Variants in BRSK1 observed in about 807,000 individuals in gnomAD.
BRSK1 encodes serine/threonine-protein kinase BRSK1.
A neutral mutation model predicts 86.2 loss-of-function variants in BRSK1; 17 were observed. The observed-to-expected ratio is 0.20, with a 90% CI of 0.14 to 0.30. The LOEUF (loss-of-function observed/expected upper bound fraction) is 0.30, where lower values mean the gene tolerates loss of function less well. Among genes scored for constraint, BRSK1 ranks in the 10% least tolerant of loss-of-function variants. The pLI is 1.00. For synonymous variants in BRSK1, 464 were observed against 440.1 expected (o/e 1.05, Z -0.68); for missense variants, 719 against 1,071.9 (o/e 0.67, Z 4.60).
Position 55,294,454 on chromosome 19 carries a change from T to C in BRSK1, c.678+57T>C, listed in dbSNP as rs142326820. On this transcript the variant is annotated intron_variant, in intron 7 of 18. Transcript: ENST00000309383. The surrounding 1 kb of genome is among the most constrained non-coding windows in gnomAD (Gnocchi z 4.9). ...AGATCAATCCCACCTGGTGGGAGCA[T>C]AGGACAGTACCTTCCATCCTCAGGT... The C allele has an allele frequency of 2.4e-3, 3,707 of 1,545,774 alleles. 43 individuals are homozygous for C. In the African/African-American group the frequency reaches 0.036, roughly 15 times the overall value.
Position 55,284,579 on chromosome 19 carries a change from G to A in BRSK1, c.136+1G>A. ...AAGACGCTGGGCAAAGGACAGACAGGTGAGCCTAGCAGAAGGGGACACCTG... is the reference window on the plus strand; with the variant it reads ...AAGACGCTGGGCAAAGGACAGACAGATGAGCCTAGCAGAAGGGGACACCTG... On this transcript the variant is annotated splice_donor_variant, in intron 1 of 18. Transcript: ENST00000309383. LOFTEE classifies it high-confidence loss of function. 7.9e-7 allele frequency: 1 copy of A among 1,265,692 alleles called. No homozygotes were observed. The allele number at this position is 1,265,692 out of a possible 1,614,324, so 78.4% of individuals were successfully genotyped here. A position where few individuals can be genotyped will look rare whatever the true frequency, so the allele number is the denominator to read the frequency against.
At chr19:55,290,735 G>A (rs1464947641) in intron 4 of BRSK1, among the ~76,000 whole-genome samples, 9 of 151,812 alleles carry the variant, frequency 5.9e-5, no homozygotes, top group East Asian at 1.9e-4. Context: ...TCCGCCTCCC[G>A]GGTTCACGCC....
chr19:55,296,013 C>G (rs1034867768), intron 7 of BRSK1, among the ~76,000 whole-genome samples: 1 of 152,078 alleles, frequency 6.6e-6, no homozygotes, highest in Non-Finnish European at 1.5e-5. Context: ...AGCCCTGCTC[C>G]TACCACAGGG....
chr19:55,311,941 C>T lies in BRSK1; in HGVS notation c.2210C>T (p.Ala737Val). ...DEKNGAQTRPAGAPPRSLQPP... is the reference protein window; with the variant it reads ...DEKNGAQTRPVGAPPRSLQPP... ...AAGAACGGGGCCCAGACCCGGCCTGCTGGTGCCCCACCCCGAAGCCTGCAG... is the reference window on the plus strand; with the variant it reads ...AAGAACGGGGCCCAGACCCGGCCTGTTGGTGCCCCACCCCGAAGCCTGCAG... The change falls in exon 19 of 19, where the codon GCT (alanine) becomes GTT (valine). Residue 737 changes from alanine to valine, a missense_variant. By Grantham distance (64) the Ala-to-Val change is moderately conservative. Coordinates refer to ENST00000309383, the MANE Select transcript of BRSK1 (RefSeq NM_032430.2). The T allele has an allele frequency of 6.2e-7, 1 of 1,611,340 alleles. No individual in the cohort carries two copies. The highest frequency in any genetic ancestry group is 8.5e-7 in the Non-Finnish European group (1 of 1,179,064).
At chr19:55,295,414 G>A (rs1210538529) in intron 7 of BRSK1, among the ~76,000 whole-genome samples, 3 of 152,106 alleles carry the variant, frequency 2.0e-5, no homozygotes, top group Non-Finnish European at 2.9e-5. Context: ...TGAGGCCACC[G>A]AACCCAGCCC....
chr19:55,299,133 A>G (rs1270515371), intron 7 of BRSK1, among the ~76,000 whole-genome samples: 2 of 152,126 alleles, frequency 1.3e-5, no homozygotes, highest in East Asian at 1.9e-4. Flanking sequence ...TCCGGGCTAC[A>G]GTGCTAGACT....
intron 17 of BRSK1, among the ~76,000 whole-genome samples, chr19:55,307,953 CA>C (rs1487737498): frequency 1.3e-5 from 2 of 150,182 alleles, no homozygotes; most frequent in African/African-American, 4.9e-5. Context: ...GACCTTGTCT[CA>C]AAAGAAAAAA....
Position 55,284,111 on chromosome 19 carries a change from A to T in BRSK1, c.-332A>T, listed in dbSNP as rs1055060295. On this transcript the variant is annotated 5_prime_UTR_variant, in exon 1 of 19. Coordinates refer to ENST00000309383, the MANE Select transcript of BRSK1 (RefSeq NM_032430.2). Reference sequence around the variant, plus strand: ...GGGGGCGGGGGGGACCTCGGCCTGCAGCATCCGCCGGCCCGCACCTCAGAC... The same window carrying T: ...GGGGGCGGGGGGGACCTCGGCCTGCTGCATCCGCCGGCCCGCACCTCAGAC... 5 of 1,192,990 alleles carry T rather than the reference A, an allele frequency of 4.2e-6. No individual in the cohort carries two copies. In the African/African-American group the frequency reaches 6.4e-5, roughly 15 times the overall value. 73.9% of individuals were successfully genotyped at this position (1,192,990 alleles called of 1,614,324 possible).
chr19:55,304,875 A>C lies in BRSK1; in HGVS notation c.1672A>C (p.Asn558His), dbSNP rs746635309. The C allele has an allele frequency of 2.5e-6, 4 of 1,609,568 alleles. No individual in the cohort carries two copies. In the South Asian group the frequency reaches 3.3e-5, roughly 13 times the overall value. ...GAGGAGTCGTCTCAACTCCATCCGC[A>C]ACAGCTTCCTGGGCTCCCCTCGCTT... ...AWRSRLNSIR[N>H]SFLGSPRFHR... Residue 558 changes from asparagine (N) to histidine (H), a missense_variant, in exon 14 of 19, where the codon AAC (asparagine) becomes CAC (histidine). Transcript: ENST00000309383. The surrounding 1 kb of genome is among the most constrained non-coding windows in gnomAD (Gnocchi z 5.2).
rs373822368 is a variant in BRSK1 at position 55,289,616 on chromosome 19, A to G, written c.454A>G (p.Ile152Val). ...GCTGGACTTCTGCCACAGCTACTCCATCTGGTGAGTGGGCAGCTTGAGGGG... is the reference window on the plus strand; with the variant it reads ...GCTGGACTTCTGCCACAGCTACTCCGTCTGGTGAGTGGGCAGCTTGAGGGG... ...SALDFCHSYS[I>V]CHRDLKPENL... Residue 152 changes from isoleucine to valine, a missense_variant, in exon 4 of 19, where the codon ATC (isoleucine) becomes GTC (valine). Around this residue, in one of 6 missense-constraint regions of BRSK1, gnomAD observed 75 missense variants for 281.0 expected, o/e 0.27. Coordinates refer to ENST00000309383, the MANE Select transcript of BRSK1 (RefSeq NM_032430.2). 7 of 1,613,428 alleles carry G rather than the reference A, an allele frequency of 4.3e-6. No homozygotes were observed. The highest frequency in any genetic ancestry group is 5.9e-6 in the Non-Finnish European group (7 of 1,179,656).
Position 55,306,493 on chromosome 19 carries a change from T to G in BRSK1, c.2089+43T>G. On this transcript the variant is annotated intron_variant, in intron 17 of 18. Coordinates refer to ENST00000309383, the MANE Select transcript of BRSK1 (RefSeq NM_032430.2). This position sits in a 1 kb window ranked among gnomAD's most constrained non-coding sequence, Gnocchi z 4.7. The stretch of plus-strand genomic sequence containing the variant: ...GCTGCCTGCAGCCCAGTGCTGGGAC[T>G]GTTCACGACAGCTGAGACAGTGTAG... The G allele has an allele frequency of 6.2e-7, 1 of 1,601,426 alleles. No individual in the cohort carries two copies. The highest frequency in any genetic ancestry group is 8.5e-7 in the Non-Finnish European group (1 of 1,175,814).
intron 7 of BRSK1, among the ~76,000 whole-genome samples, chr19:55,301,176 T>C (rs2088564060): frequency 1.3e-5 from 2 of 152,236 alleles, no homozygotes; most frequent in South Asian, 2.1e-4. Context: ...GAGGCCTGTT[T>C]TGTTCACTGC....
rs762774044 is a variant in BRSK1, at chr19:55,302,739, T to A, written c.900T>A (p.Pro300=). The A allele has an allele frequency of 1.2e-6, 2 of 1,612,782 alleles. No homozygotes were observed. Among genetic ancestry groups the A allele is most frequent in the Non-Finnish European group, 1.7e-6 (2 of 1,179,294 alleles). ...CAGACCCGTGCCTGGAGCCAGCCCC[T>A]GGCCGCCGGGTAGCCATGCGGAGCC... ...HEPDPCLEPA[P]GRRVAMRSLP... is the part of the protein sequence containing the mutation. Residue 300 remains proline, a synonymous_variant, in exon 10 of 19, where the codon CCT becomes CCA. Coordinates refer to ENST00000309383, the MANE Select transcript of BRSK1 (RefSeq NM_032430.2). The surrounding 1 kb of genome is among the most constrained non-coding windows in gnomAD (Gnocchi z 6.3).
chr19:55,300,512 G>A (rs1379584703), intron 7 of BRSK1, among the ~76,000 whole-genome samples: 2 of 152,100 alleles, frequency 1.3e-5, no homozygotes, highest in Non-Finnish European at 2.9e-5. Flanking sequence ...AGACCAGCCT[G>A]GCCAACGTGG....
intron 7 of BRSK1, among the ~76,000 whole-genome samples, chr19:55,301,287 C>A (rs2088565815): frequency 6.6e-6 from 1 of 152,198 alleles, no homozygotes; most frequent in African/African-American, 2.4e-5. Flanking sequence ...CTAAAAGGAA[C>A]AGCCTCCACG....
Position 55,302,373 on chromosome 19 carries a change from A to G in BRSK1, c.857+205A>G. The G allele has an allele frequency of 7.9e-6, 5 of 634,624 alleles. No homozygotes were observed. The highest frequency in any genetic ancestry group is 1.1e-5 in the Non-Finnish European group (4 of 362,670). 39.3% of individuals were successfully genotyped at this position (634,624 alleles called of 1,614,324 possible). ...GCAGGAGGGGCTAAGCTAGGAGTCC[A>G]GGACTCCCAGGTTTGAGGGAAAAAG... is the stretch of plus-strand genomic sequence containing the variant. On this transcript the variant is annotated intron_variant, in intron 9 of 18. Transcript: ENST00000309383. The surrounding 1 kb of genome is among the most constrained non-coding windows in gnomAD (Gnocchi z 6.3).
At position 55,302,368 on chromosome 19, in the gene BRSK1, A is replaced by C. The variant is rs2088584392; in HGVS notation, c.857+200A>C. ...CAGAGGCAGGAGGGGCTAAGCTAGG[A>C]GTCCAGGACTCCCAGGTTTGAGGGA... On this transcript the variant is annotated intron_variant, in intron 9 of 18. Coordinates refer to ENST00000309383, the MANE Select transcript of BRSK1 (RefSeq NM_032430.2). This position sits in a 1 kb window ranked among gnomAD's most constrained non-coding sequence, Gnocchi z 6.3. 3.1e-6 allele frequency: 2 copies of C among 649,802 alleles called. No individual in the cohort carries two copies. Among genetic ancestry groups the C allele is most frequent in the Non-Finnish European group, 5.4e-6 (2 of 372,238 alleles). 40.3% of individuals were successfully genotyped at this position (649,802 alleles called of 1,614,324 possible).
At chr19:55,292,121 T>A (rs1164797015) in intron 4 of BRSK1, among the ~76,000 whole-genome samples, 4 of 152,150 alleles carry the variant, frequency 2.6e-5, no homozygotes, top group Non-Finnish European at 5.9e-5. Flanking sequence ...ATTGAAACCC[T>A]GGCCTCTAGG....
chr19:55,286,895 T>A (rs2088325549), intron 1 of BRSK1, 112 bp from the exon 2 acceptor site: 6 of 962,524 alleles, frequency 6.2e-6, no homozygotes, highest in South Asian at 1.4e-5. Flanking sequence ...AGGCCATTGT[T>A]AAACAGCCAG....
Sources: allele counts gnomAD v4.1 joint callset (sites outside exome capture counted in the v4.1 genomes callset), GRCh38; gene constraint gnomAD v4.1.1; regional missense constraint gnomAD v4.1.1; non-coding constraint Gnocchi (gnomAD v3.1); transcripts MANE v1.5; gene names NCBI Gene and HGNC (gene_info 2026-07-23, HGNC 2026-07-21).